Variants in PTK2 observed in about 807,000 individuals in gnomAD.
PTK2 encodes the protein focal adhesion kinase 1.
A neutral mutation model predicts 150.1 loss-of-function variants in PTK2; 45 were observed. The observed-to-expected ratio is 0.30, with a 90% CI of 0.24 to 0.38. The LOEUF (loss-of-function observed/expected upper bound fraction) is 0.38, where lower values mean the gene tolerates loss of function less well. Ranked by LOEUF, PTK2 falls within the 10% of genes least tolerant of loss-of-function variation. The pLI is 1.00. For missense variants in PTK2, 919 were observed against 1,307.3 expected (o/e 0.70, Z 4.58); for synonymous variants, 432 against 449.2 (o/e 0.96, Z 0.48).
intron 4 of PTK2, among the ~76,000 whole-genome samples, chr8:140,871,375 A>G (rs1327675256): frequency 2.6e-5 from 4 of 152,240 alleles, no homozygotes; most frequent in Non-Finnish European, 5.9e-5. Flanking sequence ...GGCAATGAAA[A>G]ATCAGTATCA....
chr8:140,959,099 T>C (rs557657556), intron 1 of PTK2, among the ~76,000 whole-genome samples: 23 of 152,192 alleles, frequency 1.5e-4, no homozygotes, highest in African/African-American at 5.3e-4. Context: ...CTAATCCTAA[T>C]GTTTAAAGAC....
chr8:140,697,862 T>G lies in PTK2; in HGVS notation c.2499+3029A>C, dbSNP rs989544592. ...CCTTTAGGGTTTACTGTTTTTTTTTTTTTTTTTTTTTTTTTTTTTGCCACA... is the reference window on the plus strand; with the variant it reads ...CCTTTAGGGTTTACTGTTTTTTTTTGTTTTTTTTTTTTTTTTTTTGCCACA... On this transcript the variant is annotated intron_variant, in intron 26 of 31. Transcript: ENST00000522684. 1.4e-4 allele frequency among the ~76,000 whole-genome samples: 19 copies of G among 133,738 alleles called. No homozygotes were observed. The East Asian group carries it at 2.9e-3, about 20-fold the overall frequency. The allele number at this position is 133,738 out of a possible 152,430, so 87.7% of individuals were successfully genotyped here.
intron 27 of PTK2, among the ~76,000 whole-genome samples, chr8:140,683,126 G>A (rs952545559): frequency 2.0e-5 from 3 of 152,122 alleles, no homozygotes; most frequent in Middle Eastern, 3.4e-3. Context: ...TAAAAAAAGA[G>A]AGAAGATCGA....
At chr8:140,754,758 G>C (rs1363661928) in intron 16 of PTK2, among the ~76,000 whole-genome samples, 2 of 152,234 alleles carry the variant, frequency 1.3e-5, no homozygotes, top group Non-Finnish European at 2.9e-5. Context: ...TTGGCGAATA[G>C]GACATGCGGC....
chr8:140,677,292 C>G (rs2100014490), intron 27 of PTK2, among the ~76,000 whole-genome samples: 4 of 152,038 alleles, frequency 2.6e-5, no homozygotes, highest in Admixed American at 1.3e-4. Context: ...GTCATCACCC[C>G]CAAAGCACTG....
intron 1 of PTK2, among the ~76,000 whole-genome samples, chr8:140,938,384 C>A (rs1164741084): frequency 3.9e-5 from 6 of 152,186 alleles, no homozygotes; most frequent in African/African-American, 1.4e-4. Context: ...ACAAATTCCT[C>A]AAACTCTCAT....
At chr8:140,807,666 T>C (rs2100098894) in intron 10 of PTK2, among the ~76,000 whole-genome samples, 1 of 152,212 alleles carries the variant, frequency 6.6e-6, no homozygotes. Context: ...AAACTTGGAA[T>C]GATAAAAATA....
chr8:140,922,251 A>AT (rs1446511263), intron 2 of PTK2, among the ~76,000 whole-genome samples: 2 of 152,096 alleles, frequency 1.3e-5, no homozygotes, highest in Non-Finnish European at 2.9e-5. Context: ...CAGGCTCCTA[A>AT]TAGTAGCCAG....
intron 1 of PTK2, among the ~76,000 whole-genome samples, chr8:140,972,010 T>A (rs1331314757): frequency 6.6e-6 from 1 of 152,220 alleles, no homozygotes; most frequent in Non-Finnish European, 1.5e-5. Context: ...AATATGCTCC[T>A]GAACTGCTAT....
At chr8:140,984,076 A>G in intron 1 of PTK2, 1 of 155,654 alleles carries the variant, frequency 6.4e-6, no homozygotes, top group Non-Finnish European at 1.4e-5. Flanking sequence ...AATTGCTTGA[A>G]CCTGGGAGGC....
intron 26 of PTK2, among the ~76,000 whole-genome samples, chr8:140,694,973 C>T (rs1316515398): frequency 6.6e-6 from 1 of 152,216 alleles, no homozygotes; most frequent in African/African-American, 2.4e-5. Flanking sequence ...ATTCCCAGTG[C>T]ACCAAGCTTT....
intron 16 of PTK2, among the ~76,000 whole-genome samples, chr8:140,753,404 C>T (rs1439207131): frequency 1.3e-5 from 2 of 152,192 alleles, no homozygotes; most frequent in African/African-American, 4.8e-5. Context: ...CCAAGTCACA[C>T]AGGTGAAGTG....
At chr8:140,740,186 C>CT (rs200919950) in intron 20 of PTK2, among the ~76,000 whole-genome samples, 3 of 152,112 alleles carry the variant, frequency 2.0e-5, no homozygotes, top group Non-Finnish European at 2.9e-5. Context: ...ATCCCGAGTC[C>CT]TTTTTTTCAA....
intron 1 of PTK2, among the ~76,000 whole-genome samples, chr8:140,988,034 G>C (rs1263624402): frequency 7.4e-6 from 1 of 134,966 alleles, no homozygotes; most frequent in Non-Finnish European, 1.6e-5. Flanking sequence ...AACAGAGTGA[G>C]ACCCTGTCTC....
chr8:140,977,106 T>C (rs1255711115), intron 1 of PTK2, among the ~76,000 whole-genome samples: 1 of 152,218 alleles, frequency 6.6e-6, no homozygotes, highest in African/African-American at 2.4e-5. Context: ...AAATGCTTTA[T>C]GGGCCAGGTG....
chr8:140,770,717 C>G (rs992413359), intron 14 of PTK2: 5 of 1,328,682 alleles, frequency 3.8e-6, no homozygotes, highest in Non-Finnish European at 5.0e-6. Context: ...GTGCAGTACC[C>G]GTAGAAGGAG....
At position 140,891,565 on chromosome 8, in the gene PTK2, T is replaced by C. The variant is rs78671351; in HGVS notation, c.-32-796A>G. Reference sequence around the variant, plus strand: ...CTGGCTGCTTTTTCCCACAGGGCATTTGCCAATTCTGAGCCCTTCAGAGCC... The same window carrying C: ...CTGGCTGCTTTTTCCCACAGGGCATCTGCCAATTCTGAGCCCTTCAGAGCC... On this transcript the variant is annotated intron_variant, in intron 2 of 31. Transcript: ENST00000522684. 9.8e-4 allele frequency among the ~76,000 whole-genome samples: 150 copies of C among 152,304 alleles called. 1 individual carries two copies. The highest frequency in any genetic ancestry group is 3.4e-3 in the African/African-American group (140 of 41,576).
intron 26 of PTK2, among the ~76,000 whole-genome samples, chr8:140,689,439 G>C (rs2100021858): frequency 6.6e-6 from 1 of 152,212 alleles, no homozygotes; most frequent in South Asian, 2.1e-4. Flanking sequence ...AAACTCAAGA[G>C]ATGTGATAAC....
chr8:140,730,811 C>T (rs1445535399), intron 22 of PTK2, among the ~76,000 whole-genome samples: 2 of 152,110 alleles, frequency 1.3e-5, no homozygotes, highest in African/African-American at 2.4e-5. Context: ...GTGGTACCAA[C>T]ACCTTAGTCA....
Sources: allele counts gnomAD v4.1 joint callset (sites outside exome capture counted in the v4.1 genomes callset), GRCh38; gene constraint gnomAD v4.1.1; transcripts MANE v1.5; gene names NCBI Gene and HGNC (gene_info 2026-07-23, HGNC 2026-07-21).